Variants in KALRN observed in about 807,000 individuals in gnomAD.
KALRN encodes the protein kalirin RhoGEF kinase, also known as kalirin.
Under a neutral mutation model 353.7 loss-of-function variants are expected in KALRN, and 70 were observed. The ratio of observed to expected loss-of-function variants is 0.20; its 90% CI spans 0.16 to 0.24. The LOEUF (loss-of-function observed/expected upper bound fraction) is 0.24. KALRN is among the 10% of genes least tolerant of loss of function. The probability of loss-of-function intolerance (pLI) is 1.00; values close to 1 mark genes in which losing one functional copy is unlikely to be tolerated. For missense variants in KALRN, 2,791 were observed against 3,756.7 expected, an observed-to-expected ratio of 0.74 and a Z score of 6.72; for synonymous variants, 1,391 against 1,434.8, an observed-to-expected ratio of 0.97 and a Z score of 0.69.
At chr3:124,408,407 T>C (rs560511969) in intron 13 of KALRN, among the ~76,000 whole-genome samples, 9 of 152,316 alleles carry the variant, frequency 5.9e-5, no homozygotes, top group African/African-American at 1.9e-4. Context: ...GTTAAGAGCA[T>C]TGGACTTGGT....
rs73860938 is a variant in KALRN at position 124,264,037 on chromosome 3, G to A, written c.264-461G>A. Among the ~76,000 whole-genome samples the A allele has an allele frequency of 5.8e-3, 863 of 149,962 alleles. 14 individuals are homozygous for A. The highest frequency in any genetic ancestry group is 0.02 in the African/African-American group (838 of 40,880). On this transcript the variant is annotated intron_variant, in intron 3 of 59. Coordinates refer to ENST00000682506, the MANE Select transcript of KALRN (RefSeq NM_001388419.1). Reference sequence around the variant, plus strand: ...CTCCTATCCAAAATGCTTGGAACCAGAAATGTTTTGGACTTTGGATTTTTT... The same window carrying A: ...CTCCTATCCAAAATGCTTGGAACCAAAAATGTTTTGGACTTTGGATTTTTT...
chr3:124,696,278 A>G, intron 54 of KALRN, 23 bp downstream of exon 54: 1 of 1,609,434 alleles, frequency 6.2e-7, no homozygotes. Context: ...TGTTAGTCAA[A>G]CCTTTTGAAA....
In KALRN at chr3:124,616,838, G is replaced by A. The variant is rs138183977; in HGVS notation, c.5183-15582G>A. On this transcript the variant is annotated intron_variant, in intron 34 of 59. Transcript: ENST00000682506. ...AAATTAGCCGGACATGGTGGCCGGC[G>A]CCTGTAGTCCCAGCTACTTGAGAGG... Among the ~76,000 whole-genome samples the A allele has an allele frequency of 9.1e-3, 1,379 of 152,002 alleles. 18 individuals are homozygous for A. The highest frequency in any genetic ancestry group is 0.032 in the African/African-American group (1,307 of 41,428).
intron 43 of KALRN, among the ~76,000 whole-genome samples, chr3:124,659,689 G>A (rs1232356374): frequency 1.3e-5 from 2 of 152,018 alleles, no homozygotes; most frequent in Non-Finnish European, 2.9e-5. Flanking sequence ...AAGGTGGGTT[G>A]TTACTTGATT....
chr3:124,113,226 T>C (rs1190695160), intron 1 of KALRN, among the ~76,000 whole-genome samples: 2 of 152,216 alleles, frequency 1.3e-5, no homozygotes, highest in Non-Finnish European at 1.5e-5. Flanking sequence ...TTTCCTCATC[T>C]GTAAGATGCC....
chr3:124,041,201 A>G (rs985330482), intron 1 of KALRN, among the ~76,000 whole-genome samples: 8 of 152,300 alleles, frequency 5.3e-5, no homozygotes, highest in Non-Finnish European at 2.9e-5. Flanking sequence ...AGGTCAGACA[A>G]TAGAGCAGGA....
At chr3:124,621,273 A>G (rs1163728971) in intron 34 of KALRN, among the ~76,000 whole-genome samples, 1 of 152,212 alleles carries the variant, frequency 6.6e-6, no homozygotes, top group Admixed American at 6.5e-5. Context: ...TTGCTTTTGT[A>G]CTTTTAATTT....
At chr3:124,050,673 G>A (rs935512593) in intron 1 of KALRN, among the ~76,000 whole-genome samples, 2 of 152,118 alleles carry the variant, frequency 1.3e-5, no homozygotes, top group East Asian at 1.9e-4. Context: ...CCAGATGCCC[G>A]AGGAAAAGGG....
chr3:124,701,146 C>A (rs1044485244), intron 56 of KALRN, among the ~76,000 whole-genome samples: 30 of 152,194 alleles, frequency 2.0e-4, no homozygotes, highest in African/African-American at 6.3e-4. Context: ...TATTTGTGAA[C>A]CTTGGTCCCC....
chr3:124,590,997 A>C (rs2075711373), intron 34 of KALRN, among the ~76,000 whole-genome samples: 1 of 152,166 alleles, frequency 6.6e-6, no homozygotes, highest in Non-Finnish European at 1.5e-5. Flanking sequence ...CAGAGGCAGG[A>C]CTGACCCAAC....
At chr3:124,663,048 C>T (rs1225050699) in intron 45 of KALRN, among the ~76,000 whole-genome samples, 3 of 152,160 alleles carry the variant, frequency 2.0e-5, no homozygotes, top group East Asian at 3.9e-4. Context: ...TGGGTTCAAG[C>T]GATTCTCCTG....
chr3:124,702,233 G>T, intron 57 of KALRN, 117 bp downstream of exon 57: 1 of 593,462 alleles, frequency 1.7e-6, no homozygotes, highest in East Asian at 2.8e-5. Flanking sequence ...TCTCTCCATA[G>T]CAAGAAAAAA....
chr3:124,093,706 C>T (rs1486166281), intron 1 of KALRN, among the ~76,000 whole-genome samples: 1 of 151,748 alleles, frequency 6.6e-6, no homozygotes, highest in African/African-American at 2.4e-5. Context: ...TTGAGGGACA[C>T]AAAGATGGAG....
At chr3:124,408,732 G>A (rs748968482) in intron 13 of KALRN, among the ~76,000 whole-genome samples, 1 of 149,948 alleles carries the variant, frequency 6.7e-6, no homozygotes, top group Non-Finnish European at 1.5e-5. Flanking sequence ...AAAAAGGGAG[G>A]GGCAGGTGAA....
chr3:124,690,251 T>C (rs528435432), intron 51 of KALRN, among the ~76,000 whole-genome samples: 160 of 152,206 alleles, frequency 1.1e-3, no homozygotes, highest in Non-Finnish European at 1.8e-3. Flanking sequence ...ATGGTCCTTG[T>C]CCTCATGGGC....
chr3:124,427,256 T>A (rs570294895), intron 15 of KALRN, among the ~76,000 whole-genome samples: 5 of 152,320 alleles, frequency 3.3e-5, no homozygotes, highest in Non-Finnish European at 7.3e-5. Flanking sequence ...TATAAAACCA[T>A]GAAGGATGAA....
rs77766547 is a variant in KALRN, at chr3:124,398,636, C to T, written c.2172-61C>T. 669 of 1,544,956 alleles carry T rather than the reference C, an allele frequency of 4.3e-4. 6 individuals carry two copies. In the African/African-American group the frequency reaches 8.0e-3, roughly 19 times the overall value. ...TCAGATGAGGAAGATCCCCCTCCTC[C>T]TCTGTCACTTTTAACATGGAAAGGC... On this transcript the variant is annotated intron_variant, in intron 12 of 59. Coordinates refer to ENST00000682506, the MANE Select transcript of KALRN (RefSeq NM_001388419.1).
chr3:124,345,411 A>AT (rs1200572029), intron 9 of KALRN, among the ~76,000 whole-genome samples: 1 of 151,886 alleles, frequency 6.6e-6, no homozygotes, highest in Non-Finnish European at 1.5e-5. Context: ...TACTCTCCTG[A>AT]TTTTTTTTGG....
chr3:124,197,384 C>G (rs1400328203), intron 1 of KALRN, among the ~76,000 whole-genome samples: 1 of 152,206 alleles, frequency 6.6e-6, no homozygotes, highest in East Asian at 1.9e-4. Flanking sequence ...GGAAGCAAGC[C>G]TTGTGTGCTA....
Sources: allele counts gnomAD v4.1 joint callset (sites outside exome capture counted in the v4.1 genomes callset), GRCh38; gene constraint gnomAD v4.1.1; transcripts MANE v1.5; gene names NCBI Gene and HGNC (gene_info 2026-07-23, HGNC 2026-07-21).